The following PCDH11X variants were observed in gnomAD, a reference collection of about 807,000 sequenced individuals.
The protein encoded by PCDH11X is protocadherin-11 X-linked.
Under a neutral mutation model 53.3 loss-of-function variants are expected in PCDH11X, and 18 were observed. The ratio of observed to expected loss-of-function variants is 0.34; its 90% confidence interval spans 0.23 to 0.50. PCDH11X has a LOEUF of 0.50. Ranked by LOEUF, PCDH11X falls within the 20% of genes least tolerant of loss-of-function variation. The pLI is 0.98. For missense variants in PCDH11X, 570 were observed against 1,032.4 expected (o/e 0.55, Z 6.14); for synonymous variants, 279 against 393.3 (o/e 0.71, Z 3.44).
intron 6 of PCDH11X, among the ~76,000 whole-genome samples, chrX:92,044,209 T>C (rs2063250988): frequency 9.3e-6 from 1 of 107,646 alleles, no homozygotes; most frequent in African/African-American, 3.4e-5. Context: ...TTCTGATGAC[T>C]ATGTTGTCTA....
chrX:92,163,330 G>A lies in PCDH11X; in HGVS notation c.3034-38045G>A, dbSNP rs2759811. On this transcript the variant is annotated intron_variant, in intron 6 of 10. Transcript: ENST00000682573. ...TGTCGATTCTGCATACCAGATTCAC[G>A]CCCTACCCTGAGTTCTGGCCAGGAG... Among the ~76,000 whole-genome samples, 546 of 108,572 alleles carry A rather than the reference G, an allele frequency of 5.0e-3. 5 individuals carry two copies. Among genetic ancestry groups the A allele is most frequent in the African/African-American group, 0.017 (514 of 29,794 alleles). The allele number at this position is 108,572 out of a possible 115,157, so 94.3% of individuals were successfully genotyped here.
At chrX:92,505,551 A>G (rs765700534) in intron 10 of PCDH11X, among the ~76,000 whole-genome samples, 467 of 109,394 alleles carry the variant, frequency 4.3e-3, no homozygotes, top group Middle Eastern at 0.019. Flanking sequence ...CTTTTCCATT[A>G]GTCTCTGTGT....
At chrX:92,152,864 C>A (rs1223066510) in intron 6 of PCDH11X, among the ~76,000 whole-genome samples, 1 of 110,176 alleles carries the variant, frequency 9.1e-6, no homozygotes, top group Non-Finnish European at 1.9e-5. Flanking sequence ...GTGGCGTGAT[C>A]TCGGCTCAGT....
rs1379238799 is a variant in PCDH11X, at chrX:92,568,588, T to A, written c.3368-49676T>A. Among the ~76,000 whole-genome samples, 5 of 109,985 alleles carry A rather than the reference T, an allele frequency of 4.5e-5. No homozygotes were observed. The Admixed American group carries it at 4.9e-4, about 11-fold the overall frequency. ...ACCGTAAGTCAATTCCAGAAAGAGC[T>A]CTGCCTTTTTGAGTAATATATTGAT... On this transcript the variant is annotated intron_variant, in intron 10 of 10. Transcript: ENST00000682573.
intron 6 of PCDH11X, among the ~76,000 whole-genome samples, chrX:92,078,566 ACT>A (rs753661709): frequency 4.4e-4 from 49 of 111,104 alleles, no homozygotes; most frequent in Non-Finnish European, 8.5e-4. Context: ...GAGCAGCAAC[ACT>A]GTTTGTATAG....
intron 6 of PCDH11X, among the ~76,000 whole-genome samples, chrX:92,115,052 G>A (rs990793125): frequency 1.4e-4 from 15 of 109,710 alleles, no homozygotes; most frequent in Non-Finnish European, 2.8e-4. Context: ...CAGGTGATCC[G>A]CCCTCCTCAG....
At chrX:91,791,857 ATTT>A (rs755996100) in intron 1 of PCDH11X, among the ~76,000 whole-genome samples, 32 of 83,156 alleles carry the variant, frequency 3.8e-4, no homozygotes, top group African/African-American at 1.4e-3. Flanking sequence ...CGATCAGTAC[ATTT>A]TTTTTTTTTT....
chrX:92,228,409 A>G (rs2067008213), intron 7 of PCDH11X, among the ~76,000 whole-genome samples: 1 of 111,465 alleles, frequency 9.0e-6, no homozygotes, highest in African/African-American at 3.3e-5. Context: ...TGACATCTAC[A>G]TTCAAATTTT....
intron 6 of PCDH11X, chrX:91,883,585 C>T (rs1940029400): frequency 9.1e-6 from 6 of 661,995 alleles, no homozygotes; most frequent in Non-Finnish European, 1.1e-5. Flanking sequence ...GCGGGTGGAT[C>T]ACGAGGTCAG....
At chrX:92,528,247 G>T (rs1156332308) in intron 10 of PCDH11X, among the ~76,000 whole-genome samples, 1 of 112,358 alleles carries the variant, frequency 8.9e-6, no homozygotes, top group Non-Finnish European at 1.9e-5. Flanking sequence ...ATACGCACAT[G>T]TGCATATCCT....
chrX:92,231,755 T>C (rs1418673292), intron 7 of PCDH11X, among the ~76,000 whole-genome samples: 1 of 112,093 alleles, frequency 8.9e-6, no homozygotes, highest in Non-Finnish European at 1.9e-5. Flanking sequence ...AACAGGTATA[T>C]AAAATGGGAG....
At chrX:92,155,649 CAG>C (rs1195414381) in intron 6 of PCDH11X, among the ~76,000 whole-genome samples, 37 of 88,165 alleles carry the variant, frequency 4.2e-4, no homozygotes, top group African/African-American at 1.8e-3. Flanking sequence ...TTTCCTGAGA[CAG>C]AGTCTCGCTC....
chrX:92,438,110 G>A (rs1313642971), intron 9 of PCDH11X, among the ~76,000 whole-genome samples: 1 of 111,507 alleles, frequency 9.0e-6, no homozygotes, highest in Non-Finnish European at 1.9e-5. Flanking sequence ...AGTAAATTGA[G>A]AGTCGTATAT....
At chrX:91,946,558 C>T (rs866074112) in intron 6 of PCDH11X, among the ~76,000 whole-genome samples, 4 of 31,641 alleles carry the variant, frequency 1.3e-4, no homozygotes, top group East Asian at 2.4e-3. Context: ...CTGTTTCCCT[C>T]ATATATATAT....
At chrX:91,858,479 G>T (rs1171207292) in intron 5 of PCDH11X, among the ~76,000 whole-genome samples, 1 of 111,396 alleles carries the variant, frequency 9.0e-6, no homozygotes, top group Non-Finnish European at 1.9e-5. Flanking sequence ...TTGTCAGACT[G>T]CAATTTTTCC....
At chrX:91,900,715 C>T (rs1217051720) in intron 6 of PCDH11X, among the ~76,000 whole-genome samples, 1 of 109,084 alleles carries the variant, frequency 9.2e-6, no homozygotes, top group Non-Finnish European at 1.9e-5. Context: ...AAATGTCCAA[C>T]TTATGATTAT....
At chrX:91,988,297 C>T (rs1343457004) in intron 6 of PCDH11X, among the ~76,000 whole-genome samples, 3 of 110,167 alleles carry the variant, frequency 2.7e-5, no homozygotes, top group Non-Finnish European at 5.7e-5. Context: ...TCTAGTCCTC[C>T]CTTCTCCTCC....
chrX:92,143,003 A>G (rs1004082900), intron 6 of PCDH11X, among the ~76,000 whole-genome samples: 2 of 111,433 alleles, frequency 1.8e-5, no homozygotes, highest in African/African-American at 6.5e-5. Flanking sequence ...CCAGCCAGGC[A>G]TGGTGGCTCA....
intron 10 of PCDH11X, among the ~76,000 whole-genome samples, chrX:92,589,289 G>A (rs758767037): frequency 4.4e-4 from 49 of 111,247 alleles, no homozygotes; most frequent in Middle Eastern, 4.2e-3. Flanking sequence ...ACAGAAAACC[G>A]GCATATTATA....
Sources: gnomAD v4.1 joint callset for allele counts (sites outside exome capture counted in the v4.1 genomes callset) on GRCh38, gnomAD v4.1.1 for gene constraint, MANE v1.5 for transcripts, NCBI Gene and HGNC (gene_info 2026-07-23, HGNC 2026-07-21) for gene names.